Variants in RALGAPA2 observed in about 807,000 individuals in gnomAD.
RALGAPA2 encodes the protein Ral GTPase activating protein catalytic subunit alpha 2, also known as ral GTPase-activating protein subunit alpha-2.
In RALGAPA2, 139 loss-of-function variants were observed where a neutral mutation model predicts 230.4. The observed-to-expected ratio is 0.60, with a 90% confidence interval of 0.53 to 0.69. The LOEUF (loss-of-function observed/expected upper bound fraction) is 0.69, where lower values mean the gene tolerates loss of function less well. Ranked by LOEUF, RALGAPA2 falls within the 30% of genes least tolerant of loss-of-function variation. The pLI is 0.00. For missense variants in RALGAPA2, 2,163 were observed against 2,276.0 expected (o/e 0.95, Z 1.01); for synonymous variants, 847 against 837.8 (o/e 1.01, Z -0.19).
chr20:20,582,702 G>A (rs777977262), intron 20 of RALGAPA2, among the ~76,000 whole-genome samples: 2 of 152,028 alleles, frequency 1.3e-5, no homozygotes, highest in Non-Finnish European at 2.9e-5. Context: ...CTTCATTACT[G>A]TTCCCCGTAA....
Position 20,495,230 on chromosome 20 carries a change from G to A in RALGAPA2, c.5254C>T (p.His1752Tyr). 2.5e-6 allele frequency: 4 copies of A among 1,597,194 alleles called. No homozygotes were observed. Among genetic ancestry groups the A allele is most frequent in the Non-Finnish European group, 3.4e-6 (4 of 1,168,088 alleles). ...NDEVHIVWSE[H>Y]SRDYRRGIIP... is the part of the protein sequence containing the mutation. ...ATACCCCTGCGGTAGTCTCTGGAGT[G>A]TTCAGACCAGACGATATGGACCTCG... Residue 1752 changes from histidine to tyrosine, a missense_variant, in exon 36 of 40, where the codon CAC (histidine) becomes TAC (tyrosine). Physicochemically the swap from His to Tyr is moderately conservative, Grantham distance 83. Coordinates refer to ENST00000202677, the MANE Select transcript of RALGAPA2 (RefSeq NM_020343.4).
chr20:20,511,344 GGAA>G lies in RALGAPA2; in HGVS notation c.4857-22_4857-20del. On this transcript the variant is annotated intron_variant, in intron 32 of 39. Coordinates refer to ENST00000202677, the MANE Select transcript of RALGAPA2 (RefSeq NM_020343.4). ...ATTCTTCCTATAAAGAAAAAAGGATGGAAGAAAAACCATGTGATTACAGAACCA... is the reference window on the plus strand; with the variant it reads ...ATTCTTCCTATAAAGAAAAAAGGATGGAAAAACCATGTGATTACAGAACCA... 1 of 1,537,358 alleles carries G rather than the reference GGAA, an allele frequency of 6.5e-7. No individual in the cohort carries two copies. Among genetic ancestry groups the G allele is most frequent in the Non-Finnish European group, 8.7e-7 (1 of 1,144,308 alleles).
chr20:20,528,043 G>A (rs1015098079), intron 27 of RALGAPA2, among the ~76,000 whole-genome samples: 2 of 152,176 alleles, frequency 1.3e-5, no homozygotes, highest in African/African-American at 4.8e-5. Flanking sequence ...CGTGGAGGGA[G>A]AGGAGAGCTA....
chr20:20,535,840 G>A, intron 25 of RALGAPA2, 37 bp from the exon 26 acceptor site: 7 of 1,532,650 alleles, frequency 4.6e-6, no homozygotes, highest in Non-Finnish European at 6.2e-6. Context: ...AAAACTTTGT[G>A]TCATAGTTGG....
At chr20:20,563,946 T>C (rs1203871101) in intron 23 of RALGAPA2, among the ~76,000 whole-genome samples, 1 of 152,142 alleles carries the variant, frequency 6.6e-6, no homozygotes, top group Non-Finnish European at 1.5e-5. Flanking sequence ...GCCTCAGTCC[T>C]TGTTAGCCCT....
intron 9 of RALGAPA2, 194 bp downstream of exon 9, chr20:20,635,224 T>A: frequency 1.6e-6 from 1 of 622,804 alleles, no homozygotes; most frequent in African/African-American, 1.9e-5. Context: ...GTCCCAACAA[T>A]GCACAGCAAG....
intron 5 of RALGAPA2, 32 bp downstream of exon 5, chr20:20,643,474 T>C (rs906267599): frequency 6.9e-7 from 1 of 1,453,074 alleles, no homozygotes; most frequent in Non-Finnish European, 9.2e-7. Context: ...TTAAGAGTAA[T>C]AAAAAATGTC....
intron 30 of RALGAPA2, 21 bp from the exon 31 acceptor site, chr20:20,521,121 T>G (rs1407208074): frequency 1.9e-6 from 3 of 1,571,712 alleles, no homozygotes; most frequent in Non-Finnish European, 2.6e-6. Flanking sequence ...AGAGGCCATG[T>G]GCACCACGGA....
At chr20:20,589,046 A>G (rs2065211965) in intron 18 of RALGAPA2, among the ~76,000 whole-genome samples, 1 of 152,098 alleles carries the variant, frequency 6.6e-6, no homozygotes, top group Admixed American at 6.5e-5. Flanking sequence ...CAGGTGGTGA[A>G]CTCCATTTTC....
At chr20:20,537,418 G>A (rs552146998) in intron 24 of RALGAPA2, among the ~76,000 whole-genome samples, 11 of 151,936 alleles carry the variant, frequency 7.2e-5, no homozygotes, top group Non-Finnish European at 1.5e-4. Flanking sequence ...TCAGGAGTTC[G>A]AGACCAGCCT....
chr20:20,492,728 A>G (rs1271131673), intron 36 of RALGAPA2, among the ~76,000 whole-genome samples: 2 of 152,140 alleles, frequency 1.3e-5, no homozygotes, highest in Non-Finnish European at 2.9e-5. Context: ...ATTGTCCGTA[A>G]TATCCTCATG....
At chr20:20,667,549 G>A (rs1299259401) in intron 3 of RALGAPA2, among the ~76,000 whole-genome samples, 1 of 152,178 alleles carries the variant, frequency 6.6e-6, no homozygotes, top group East Asian at 1.9e-4. Flanking sequence ...ACAAAAGCTA[G>A]CATCCACAAT....
intron 37 of RALGAPA2, among the ~76,000 whole-genome samples, chr20:20,444,234 G>A (rs1007122065): frequency 4.6e-5 from 7 of 152,164 alleles, no homozygotes; most frequent in Non-Finnish European, 1.0e-4. Context: ...CAAGAAATGT[G>A]TCAGATACGT....
chr20:20,616,305 CAA>C, intron 12 of RALGAPA2, 114 bp from the exon 13 acceptor site: 1 of 945,512 alleles, frequency 1.1e-6, no homozygotes, highest in Non-Finnish European at 1.5e-6. Flanking sequence ...CAGTTATTTC[CAA>C]AAGATTCTAT....
rs146504503 is a variant in RALGAPA2, at chr20:20,426,796, A to G, written c.5496-14648T>C. Among the ~76,000 whole-genome samples, 461 of 152,338 alleles carry G rather than the reference A, an allele frequency of 3.0e-3. 2 individuals are homozygous for G. Among genetic ancestry groups the G allele is most frequent in the African/African-American group, 0.011 (445 of 41,584 alleles). On this transcript the variant is annotated intron_variant, in intron 37 of 39. Coordinates refer to ENST00000202677, the MANE Select transcript of RALGAPA2 (RefSeq NM_020343.4). Reference sequence around the variant, plus strand: ...AGGTGAATCAGACTACATCCTGAGCATAAGTGAGCCCCCGGCCAGGCACCT... The same window carrying G: ...AGGTGAATCAGACTACATCCTGAGCGTAAGTGAGCCCCCGGCCAGGCACCT...
At position 20,644,771 on chromosome 20, in the gene RALGAPA2, G is replaced by A. The variant is rs116743297; in HGVS notation, c.329-1222C>T. ...GCTGGCTCTCTCTGTCACAGCTAAG[G>A]TTCAAGTGTCCATCTAGCCCACACC... is the stretch of plus-strand genomic sequence containing the variant. On this transcript the variant is annotated intron_variant, in intron 4 of 39. Transcript: ENST00000202677. Among the ~76,000 whole-genome samples the A allele has an allele frequency of 1.6e-3, 239 of 152,286 alleles. 1 individual carries two copies. The highest frequency in any genetic ancestry group is 5.5e-3 in the African/African-American group (228 of 41,564).
At chr20:20,709,261 G>C (rs2069743727) in intron 1 of RALGAPA2, among the ~76,000 whole-genome samples, 1 of 152,074 alleles carries the variant, frequency 6.6e-6, no homozygotes, top group Admixed American at 6.5e-5. Context: ...GGAGGTTGCA[G>C]TGAGCCAAGA....
At chr20:20,699,227 G>A (rs1277910205) in intron 1 of RALGAPA2, among the ~76,000 whole-genome samples, 1 of 152,052 alleles carries the variant, frequency 6.6e-6, no homozygotes, top group Non-Finnish European at 1.5e-5. Context: ...AAGGTGATGT[G>A]TCTGTTTCTA....
chr20:20,616,549 CAT>C (rs1395872642), intron 12 of RALGAPA2, among the ~76,000 whole-genome samples: 2 of 152,148 alleles, frequency 1.3e-5, no homozygotes, highest in African/African-American at 4.8e-5. Flanking sequence ...AGGATCGTTG[CAT>C]ATGAGTGAGA....
Sources: allele counts gnomAD v4.1 joint callset (sites outside exome capture counted in the v4.1 genomes callset), GRCh38; gene constraint gnomAD v4.1.1; transcripts MANE v1.5; gene names NCBI Gene and HGNC (gene_info 2026-07-23, HGNC 2026-07-21).